Variants in SLC25A26 observed in about 807,000 individuals in gnomAD.
SLC25A26 encodes mitochondrial S-adenosylmethionine carrier protein.
In SLC25A26, 36 loss-of-function variants were observed where a neutral mutation model predicts 37.8. The ratio of observed to expected loss-of-function variants is 0.95; its 90% CI spans 0.73 to 1.26. SLC25A26 has a LOEUF of 1.26. Among genes scored for constraint, SLC25A26 ranks in the 50% most tolerant of loss-of-function variants. The pLI is 0.00. For synonymous variants in SLC25A26, 129 were observed against 122.5 expected (o/e 1.05, Z -0.35); for missense variants, 390 against 331.1 (o/e 1.18, Z -1.38).
chr3:66,220,942 C>A, upstream of SLC25A26: 1 of 817,296 alleles, frequency 1.2e-6, no homozygotes, highest in Non-Finnish European at 2.0e-6. Context: ...GCCCAGGTGT[C>A]TCGCGTTGCA....
intron 3 of SLC25A26, among the ~76,000 whole-genome samples, chr3:66,255,260 A>T (rs1040243742): frequency 6.6e-6 from 1 of 152,226 alleles, no homozygotes; most frequent in African/African-American, 2.4e-5. Flanking sequence ...GGCAGCATGC[A>T]TGTGCACCTG....
chr3:66,302,437 G>T (rs987437692), intron 5 of SLC25A26, among the ~76,000 whole-genome samples: 1 of 152,142 alleles, frequency 6.6e-6, no homozygotes, highest in African/African-American at 2.4e-5. Context: ...GACAGAAACT[G>T]CTCTCCATGT....
At chr3:66,203,537 A>G (rs993291545) in intron 1 of SLC25A26, among the ~76,000 whole-genome samples, 6 of 152,212 alleles carry the variant, frequency 3.9e-5, no homozygotes, top group Non-Finnish European at 8.8e-5. Flanking sequence ...ATATAAAAAT[A>G]CCTTTGGGTG....
chr3:66,283,667 C>G (rs79714773), intron 5 of SLC25A26, among the ~76,000 whole-genome samples: 10,025 of 152,086 alleles, frequency 0.066, 374 homozygotes, highest in African/African-American at 0.08. Context: ...TTTATTTTAG[C>G]CATTTTAGTA....
intron 3 of SLC25A26, among the ~76,000 whole-genome samples, chr3:66,245,232 C>T (rs1446115110): frequency 2.3e-5 from 3 of 131,612 alleles, no homozygotes; most frequent in South Asian, 2.6e-4. Flanking sequence ...AAACCGAAAT[C>T]GTAAACACAG....
At chr3:66,205,677 T>A (rs1281080411) in intron 1 of SLC25A26, among the ~76,000 whole-genome samples, 3 of 152,332 alleles carry the variant, frequency 2.0e-5, no homozygotes, top group Middle Eastern at 3.4e-3. Flanking sequence ...ACAACTTAGC[T>A]CTTTTTGCCT....
chr3:66,298,982 A>C (rs951165339), intron 5 of SLC25A26, among the ~76,000 whole-genome samples: 3 of 152,218 alleles, frequency 2.0e-5, no homozygotes, highest in African/African-American at 7.2e-5. Context: ...TGAAGGTGCC[A>C]TCTAAAAACT....
At chr3:66,213,381 C>T (rs2071312709) in intron 1 of SLC25A26, among the ~76,000 whole-genome samples, 1 of 84,612 alleles carries the variant, frequency 1.2e-5, no homozygotes, top group African/African-American at 4.8e-5. Flanking sequence ...CCCTGGGAAA[C>T]AGAGCAAGAC....
At chr3:66,174,590 C>T (rs2070547920) in intron 1 of SLC25A26, among the ~76,000 whole-genome samples, 2 of 152,000 alleles carry the variant, frequency 1.3e-5, no homozygotes, top group Admixed American at 6.5e-5. Flanking sequence ...ACCATCCTGG[C>T]TAACACGGTG....
At chr3:66,165,601 T>C (rs147616358) in intron 1 of SLC25A26, among the ~76,000 whole-genome samples, 1,791 of 152,142 alleles carry the variant, frequency 0.012, 29 homozygotes, top group African/African-American at 0.037. Context: ...TTTGTGAACG[T>C]GAAACAAACT....
intron 5 of SLC25A26, among the ~76,000 whole-genome samples, chr3:66,307,725 C>T (rs1421710704): frequency 6.6e-6 from 1 of 152,168 alleles, no homozygotes; most frequent in Non-Finnish European, 1.5e-5. Context: ...TATGGCTAGC[C>T]AGTTTTCCCA....
intron 1 of SLC25A26, among the ~76,000 whole-genome samples, chr3:66,141,998 G>A (rs1374007617): frequency 8.5e-5 from 13 of 152,164 alleles, no homozygotes. Flanking sequence ...GATGAAACTT[G>A]CATAACACAA....
At position 66,346,353 on chromosome 3, in the gene SLC25A26, TC is replaced by T; in HGVS notation, c.454-10del. 6.8e-7 allele frequency: 1 copy of T among 1,466,818 alleles called. No homozygotes were observed. The highest frequency in any genetic ancestry group is 2.5e-5 in the Admixed American group (1 of 40,632). The allele number at this position is 1,466,818 out of a possible 1,614,324, so 90.9% of individuals were successfully genotyped here. On this transcript the variant is annotated splice_polypyrimidine_tract_variant and intron_variant, in intron 5 of 9. Transcript: ENST00000354883. Reference sequence around the variant, plus strand: ...TGCCTAATTTATTTAATTTTTTTTTTCTCTCTTCAGATTCCTTTTTCTTTGG... The same window carrying T: ...TGCCTAATTTATTTAATTTTTTTTTTTCTCTTCAGATTCCTTTTTCTTTGG...
intron 6 of SLC25A26, 71 bp downstream of exon 6, chr3:66,346,479 G>GTAGAAAGAA: frequency 2.5e-6 from 2 of 789,176 alleles, no homozygotes; most frequent in Non-Finnish European, 3.9e-6. Flanking sequence ...GTGTGGAAGA[G>GTAGAAAGAA]TAGAACATAA....
intron 9 of SLC25A26, among the ~76,000 whole-genome samples, chr3:66,372,885 G>T (rs904395424): frequency 1.3e-5 from 2 of 151,994 alleles, no homozygotes; most frequent in African/African-American, 4.8e-5. Context: ...AGTTTACTAG[G>T]TACTACTTGG....
Position 66,168,996 on chromosome 3 carries a change from G to T in SLC25A26, c.-354+35012G>T, listed in dbSNP as rs144713545. Among the ~76,000 whole-genome samples, 3 of 152,266 alleles carry T rather than the reference G, an allele frequency of 2.0e-5. No homozygotes were observed. The East Asian group carries it at 5.8e-4, about 29-fold the overall frequency. ...AAAAATTAGCTTGGCATGGTGGTGT[G>T]TGCCTGTAGTCCCAACTACTTGGGA... On this transcript the variant is annotated intron_variant, in intron 1 of 10. Coordinates refer to the SLC25A26 transcript ENST00000676754.
At position 66,236,559 on chromosome 3, in the gene SLC25A26, G is replaced by A; in HGVS notation, c.49G>A (p.Gly17Ser). ...TTTTTCAAAGGCTGGTGGGGTAGCA[G>A]GTGTTTCTGTTGACTTGATATTATT... is the stretch of plus-strand genomic sequence containing the variant. Reference protein sequence around the residue: ...VAALVAGGVAGVSVDLILFPL... With the variant: ...VAALVAGGVASVSVDLILFPL... Residue 17 changes from glycine (G) to serine (S), a missense_variant, in exon 2 of 10, where the codon GGT becomes AGT. Physicochemically the swap from Gly to Ser is moderately conservative, Grantham distance 56. Transcript: ENST00000354883. 1 of 1,463,838 alleles carries A rather than the reference G, an allele frequency of 6.8e-7. No individual in the cohort carries two copies. Among genetic ancestry groups the A allele is most frequent in the Admixed American group, 2.0e-5 (1 of 49,712 alleles). The allele number at this position is 1,463,838 out of a possible 1,614,324, so 90.7% of individuals were successfully genotyped here.
At chr3:66,175,873 C>T (rs934800752) in intron 1 of SLC25A26, among the ~76,000 whole-genome samples, 3 of 152,222 alleles carry the variant, frequency 2.0e-5, no homozygotes, top group Non-Finnish European at 4.4e-5. Flanking sequence ...ATGTTAACCT[C>T]ATCTGAGAAT....
At chr3:66,230,070 C>T (rs2106949048) in intron 1 of SLC25A26, among the ~76,000 whole-genome samples, 1 of 152,326 alleles carries the variant, frequency 6.6e-6, no homozygotes, top group Non-Finnish European at 1.5e-5. Flanking sequence ...CAGTGCTTGA[C>T]TGCAAGATTT....
Sources: allele counts gnomAD v4.1 joint callset (sites outside exome capture counted in the v4.1 genomes callset), GRCh38; gene constraint gnomAD v4.1.1; transcripts MANE v1.5; gene names NCBI Gene and HGNC (gene_info 2026-07-23, HGNC 2026-07-21).